Variants in EPHA6 observed in about 807,000 individuals in gnomAD.
EPHA6 encodes ephrin type-A receptor 6.
A neutral mutation model predicts 112.0 loss-of-function variants in EPHA6; 50 were observed. The observed-to-expected ratio is 0.45, with a 90% CI of 0.36 to 0.56. The LOEUF is 0.56. Among genes scored for constraint, EPHA6 ranks in the 20% least tolerant of loss-of-function variants. The probability of loss-of-function intolerance (pLI) is 0.00; values close to 1 mark genes in which losing one functional copy is unlikely to be tolerated. For synonymous variants in EPHA6, 529 were observed against 490.7 expected, an observed-to-expected ratio of 1.08 and a Z score of -1.03; for missense variants, 1,280 against 1,417.4, an observed-to-expected ratio of 0.90 and a Z score of 1.56.
At chr3:97,119,851 T>G (rs547019153) in intron 3 of EPHA6, among the ~76,000 whole-genome samples, 1 of 152,142 alleles carries the variant, frequency 6.6e-6, no homozygotes, top group Admixed American at 6.6e-5. Flanking sequence ...CTGCAGAAGC[T>G]CTGAAATATT....
intron 1 of EPHA6, among the ~76,000 whole-genome samples, chr3:96,815,493 A>G (rs1374253934): frequency 6.6e-6 from 1 of 152,058 alleles, no homozygotes; most frequent in Non-Finnish European, 1.5e-5. Context: ...GCCCAGCCTC[A>G]GTCCCCATGC....
intron 3 of EPHA6, among the ~76,000 whole-genome samples, chr3:97,136,923 AAAG>A (rs1301909795): frequency 1.3e-5 from 2 of 152,214 alleles, no homozygotes; most frequent in Non-Finnish European, 2.9e-5. Context: ...ATCATATTGG[AAAG>A]AAGGACACCC....
intron 3 of EPHA6, among the ~76,000 whole-genome samples, chr3:97,051,872 G>A (rs1314595359): frequency 6.6e-6 from 1 of 151,980 alleles, no homozygotes; most frequent in African/African-American, 2.4e-5. Context: ...GTTATAGTCT[G>A]TGTATAAGAC....
intron 11 of EPHA6, among the ~76,000 whole-genome samples, chr3:97,566,366 C>A (rs2093266859): frequency 6.6e-6 from 1 of 152,160 alleles, no homozygotes; most frequent in Admixed American, 6.5e-5. Context: ...TTGGAGGGAA[C>A]AAATATCCAA....
chr3:97,535,636 G>A (rs2092753396), intron 11 of EPHA6, among the ~76,000 whole-genome samples: 1 of 152,058 alleles, frequency 6.6e-6, no homozygotes. Context: ...AAGTAGCTAA[G>A]AGATAGCTAG....
At chr3:97,304,828 G>A (rs1358012488) in intron 5 of EPHA6, among the ~76,000 whole-genome samples, 2 of 152,002 alleles carry the variant, frequency 1.3e-5, no homozygotes, top group East Asian at 1.9e-4. Flanking sequence ...CATAGGCACA[G>A]GCAAAGATTT....
At chr3:97,425,224 G>T (rs2089012363) in intron 6 of EPHA6, among the ~76,000 whole-genome samples, 1 of 152,200 alleles carries the variant, frequency 6.6e-6, no homozygotes, top group Non-Finnish European at 1.5e-5. Context: ...TACCCCACTG[G>T]GGACTCTGTG....
intron 3 of EPHA6, among the ~76,000 whole-genome samples, chr3:97,186,715 A>T (rs1357886170): frequency 6.6e-6 from 1 of 152,120 alleles, no homozygotes; most frequent in Non-Finnish European, 1.5e-5. Context: ...AATCTTGAGG[A>T]TCATTCATTT....
At chr3:97,545,427 A>G (rs2092930485) in intron 11 of EPHA6, among the ~76,000 whole-genome samples, 1 of 152,220 alleles carries the variant, frequency 6.6e-6, no homozygotes, top group East Asian at 1.9e-4. Context: ...GTGGTCTGAG[A>G]GACAGTTTGT....
At chr3:97,156,434 T>C (rs180833089) in intron 3 of EPHA6, among the ~76,000 whole-genome samples, 1 of 152,352 alleles carries the variant, frequency 6.6e-6, no homozygotes, top group Admixed American at 6.5e-5. Flanking sequence ...ATATCTTATC[T>C]GTAATAATTT....
intron 5 of EPHA6, among the ~76,000 whole-genome samples, chr3:97,402,430 A>C (rs895137202): frequency 2.6e-5 from 4 of 152,044 alleles, no homozygotes; most frequent in African/African-American, 4.8e-5. Flanking sequence ...CATAAACTCT[A>C]TTTTACCTGA....
chr3:96,931,349 A>G (rs1013617265), intron 2 of EPHA6, among the ~76,000 whole-genome samples: 5 of 151,792 alleles, frequency 3.3e-5, no homozygotes, highest in Admixed American at 1.3e-4. Context: ...TCTTGTCTGG[A>G]CTGTTTGGAC....
intron 13 of EPHA6, among the ~76,000 whole-genome samples, chr3:97,628,135 G>A (rs142079664): frequency 1.2e-3 from 184 of 152,102 alleles, no homozygotes; most frequent in Non-Finnish European, 2.0e-3. Flanking sequence ...ATAGATGCAG[G>A]GAAATTAGGA....
intron 1 of EPHA6, among the ~76,000 whole-genome samples, chr3:96,843,741 G>A (rs1036297337): frequency 6.6e-6 from 1 of 151,904 alleles, no homozygotes; most frequent in East Asian, 1.9e-4. Flanking sequence ...GAGGGTATAT[G>A]GATTATCACT....
chr3:97,380,318 G>C (rs2109017153), intron 5 of EPHA6, among the ~76,000 whole-genome samples: 1 of 152,218 alleles, frequency 6.6e-6, no homozygotes, highest in East Asian at 1.9e-4. Context: ...CTATACTCGG[G>C]TAGAATAAAA....
chr3:97,196,546 G>A (rs902992159), intron 3 of EPHA6, among the ~76,000 whole-genome samples: 1 of 152,018 alleles, frequency 6.6e-6, no homozygotes, highest in Admixed American at 6.6e-5. Context: ...GCTTGTCAAT[G>A]TCCAGGCATT....
intron 3 of EPHA6, among the ~76,000 whole-genome samples, chr3:97,103,012 T>C (rs995181884): frequency 1.3e-5 from 2 of 152,160 alleles, no homozygotes; most frequent in African/African-American, 2.4e-5. Flanking sequence ...ATGTTTCTTA[T>C]AGATGCTAGA....
At chr3:97,198,901 A>T (rs535752863) in intron 3 of EPHA6, among the ~76,000 whole-genome samples, 3 of 152,226 alleles carry the variant, frequency 2.0e-5, no homozygotes, top group African/African-American at 7.2e-5. Flanking sequence ...TTCCATGATG[A>T]TGACTGATTC....
At chr3:97,169,900 T>C (rs2076645336) in intron 3 of EPHA6, among the ~76,000 whole-genome samples, 1 of 152,040 alleles carries the variant, frequency 6.6e-6, no homozygotes, top group Non-Finnish European at 1.5e-5. Flanking sequence ...GAGTAATAAG[T>C]GGGAGTTGAA....
Sources: allele counts gnomAD v4.1 joint callset (sites outside exome capture counted in the v4.1 genomes callset), GRCh38; gene constraint gnomAD v4.1.1; transcripts MANE v1.5; gene names NCBI Gene and HGNC (gene_info 2026-07-23, HGNC 2026-07-21).